The following MAP1A variants were observed in gnomAD, a reference collection of about 807,000 sequenced individuals.
MAP1A encodes microtubule associated protein 1A, also known as microtubule-associated protein 1A.
A neutral mutation model predicts 185.9 loss-of-function variants in MAP1A; 42 were observed. That is an observed-to-expected ratio of 0.23 (90% CI 0.18 to 0.29). The LOEUF is 0.29. Among genes scored for constraint, MAP1A ranks in the 10% least tolerant of loss-of-function variants. The pLI, the probability that MAP1A is intolerant of heterozygous loss-of-function variation, is 1.00. For missense variants in MAP1A, 2,995 were observed against 3,450.4 expected (o/e 0.87, Z 3.31); for synonymous variants, 1,229 against 1,335.9 (o/e 0.92, Z 1.74).
chr15:43,519,621 ATTC>A (rs1161349616), intron 1 of MAP1A, among the ~76,000 whole-genome samples: 1 of 152,228 alleles, frequency 6.6e-6, no homozygotes, highest in Admixed American at 6.5e-5. Context: ...GGATGGCAGC[ATTC>A]TTCTTCAGCA....
Position 43,528,800 on chromosome 15 carries a change from C to T in MAP1A, c.7327C>T (p.Pro2443Ser). The T allele has an allele frequency of 6.2e-7, 1 of 1,613,494 alleles. No homozygotes were observed. Among genetic ancestry groups the T allele is most frequent in the Non-Finnish European group, 8.5e-7 (1 of 1,179,940 alleles). The change falls in exon 4 of 6, where the codon CCC becomes TCC. Residue 2443 changes from proline (P) to serine (S), a missense_variant. By Grantham distance (74) the Pro-to-Ser change is moderately conservative (BLOSUM62 -1). Transcript: ENST00000300231. ...CCAGGGATGTGCCACTGAGCCTCGG[C>T]CCCATCGTGGGGAGCTCTCCCCATC... ...GPQGCATEPR[P>S]HRGELSPSFL...
upstream of MAP1A, among the ~76,000 whole-genome samples, chr15:43,516,251 G>T (rs112706236): frequency 2.5e-3 from 375 of 152,252 alleles, 4 homozygotes; most frequent in African/African-American, 8.8e-3. Context: ...TCGCAGATTT[G>T]CATCCCCGGA....
intron 5 of MAP1A, 65 bp from the exon 6 acceptor site, chr15:43,530,004 C>A: frequency 6.4e-7 from 1 of 1,562,176 alleles, no homozygotes. Context: ...CCATGAGGTG[C>A]CCCTTCCCCC....
chr15:43,511,101 T>C (rs1056680848), exon 1 of MAP1A: 2 of 1,550,158 alleles, frequency 1.3e-6, no homozygotes, highest in African/African-American at 2.7e-5. Context: ...GCGGAGCTGC[T>C]GTGCGAGGCC....
rs1186204254 is a variant in MAP1A, at chr15:43,528,312, A to C, written c.6839A>C (p.Glu2280Ala). 6.2e-7 allele frequency: 1 copy of C among 1,613,968 alleles called. No homozygotes were observed. Among genetic ancestry groups the C allele is most frequent in the Non-Finnish European group, 8.5e-7 (1 of 1,180,048 alleles). ...SVAERFSPSL[E>A]AAEQESGELD... ...GCGGAGCGCTTCTCTCCAAGCCTTG[A>C]GGCTGCAGAACAGGAGTCTGGAGAG... The change falls in exon 4 of 6, where the codon GAG (glutamate) becomes GCG (alanine). Residue 2280 changes from glutamate to alanine, a missense_variant. Glu to Ala is a moderately radical substitution (Grantham distance 107). Transcript: ENST00000300231.
In MAP1A at chr15:43,527,642, C is replaced by T. The variant is rs2079351377; in HGVS notation, c.6169C>T (p.Leu2057Phe). Reference sequence around the variant, plus strand: ...GCCAGGGCCAAGTATGGAGCCCAGCCTCACCCCACCTGCAGTTCCCCCCCG... The same window carrying T: ...GCCAGGGCCAAGTATGGAGCCCAGCTTCACCCCACCTGCAGTTCCCCCCCG... Reference protein sequence around the residue: ...PEPGPSMEPSLTPPAVPPRAP... With the variant: ...PEPGPSMEPSFTPPAVPPRAP... Residue 2057 changes from leucine to phenylalanine, a missense_variant, in exon 4 of 6, where the codon CTC (leucine) becomes TTC (phenylalanine). Leu to Phe is a conservative substitution (Grantham distance 22, BLOSUM62 0). Around this residue, in one of 3 missense-constraint regions of MAP1A, gnomAD observed 2,728 missense variants for 2,986.0 expected, o/e 0.91. Transcript: ENST00000300231. 6.2e-7 allele frequency: 1 copy of T among 1,613,902 alleles called. No individual in the cohort carries two copies. The highest frequency in any genetic ancestry group is 1.1e-5 in the South Asian group (1 of 91,072).
chr15:43,518,432 C>T (rs1881090870), intron 1 of MAP1A, among the ~76,000 whole-genome samples: 1 of 152,146 alleles, frequency 6.6e-6, no homozygotes, highest in South Asian at 2.1e-4. Flanking sequence ...ACCCCCACCT[C>T]ATCTCTGCTT....
chr15:43,511,053 G>T (rs1423938269), exon 1 of MAP1A: 4 of 1,549,054 alleles, frequency 2.6e-6, no homozygotes, highest in Admixed American at 2.0e-5. Context: ...CCGGGGCTGG[G>T]GCTCCGAAGT....
Position 43,524,613 on chromosome 15 carries a change from A to C in MAP1A, c.3140A>C (p.Glu1047Ala), listed in dbSNP as rs377086076. Residue 1047 changes from glutamate to alanine, a missense_variant, in exon 4 of 6, where the codon GAG (glutamate) becomes GCG (alanine). Glu to Ala is a moderately radical substitution (Grantham distance 107). Transcript: ENST00000300231. ...PGVGKEDAAE[E>A]TVKPGPEEGT... ...GTGGGCAAAGAAGATGCTGCTGAGG[A>C]GACAGTCAAGCCAGGGCCTGAAGAG... 1 of 1,614,156 alleles carries C rather than the reference A, an allele frequency of 6.2e-7. No individual in the cohort carries two copies. The highest frequency in any genetic ancestry group is 2.2e-5 in the East Asian group (1 of 44,876).
At chr15:43,511,062 G>A (rs1222769416) in exon 1 of MAP1A, 1 of 1,549,324 alleles carries the variant, frequency 6.5e-7, no homozygotes, top group Non-Finnish European at 8.7e-7. Flanking sequence ...GGGCTCCGAA[G>A]TCCCGGCGCA....
chr15:43,528,277 T>G lies in MAP1A; in HGVS notation c.6804T>G (p.Ile2268Met), dbSNP rs2140210596. ...GSSSEATTPV[I>M]SSVAERFSPS... ...CCTCTGAGGCTACCACGCCTGTGAT[T>G]TCAAGTGTGGCGGAGCGCTTCTCTC... is the stretch of plus-strand genomic sequence containing the variant. Residue 2268 changes from isoleucine (I) to methionine (M), a missense_variant, in exon 4 of 6, where the codon ATT (isoleucine) becomes ATG (methionine). Physicochemically the swap from Ile to Met is conservative, Grantham distance 10 (BLOSUM62 1). Coordinates refer to ENST00000300231, the MANE Select transcript of MAP1A (RefSeq NM_002373.6). 6.2e-7 allele frequency: 1 copy of G among 1,614,062 alleles called. No individual in the cohort carries two copies. Among genetic ancestry groups the G allele is most frequent in the East Asian group, 2.2e-5 (1 of 44,882 alleles).
chr15:43,511,248 G>A, intron 1 of MAP1A: 1 of 1,533,060 alleles, frequency 6.5e-7, no homozygotes, highest in Non-Finnish European at 8.8e-7. Flanking sequence ...TTCTGGCTGT[G>A]CTTCAGGCAT....
At chr15:43,517,988 G>A (rs1166614297) in intron 1 of MAP1A, among the ~76,000 whole-genome samples, 1 of 152,160 alleles carries the variant, frequency 6.6e-6, no homozygotes, top group Non-Finnish European at 1.5e-5. Flanking sequence ...CACTGGCTCT[G>A]CCTGACAGCC....
At position 43,528,878 on chromosome 15, in the gene MAP1A, G is replaced by A. The variant is rs1263993595; in HGVS notation, c.7405G>A (p.Glu2469Lys). Residue 2469 changes from glutamate to lysine, a missense_variant, in exon 4 of 6, where the codon GAG (glutamate) becomes AAG (lysine). Coordinates refer to ENST00000300231, the MANE Select transcript of MAP1A (RefSeq NM_002373.6). The part of the protein sequence containing the change: ...PSIDDRDLST[E>K]EVRLVGRGGR... ...CATAGATGATAGGGACCTCTCAACT[G>A]AGGAAGTTCGGCTAGTAGGAAGAGG... The A allele has an allele frequency of 1.9e-6, 3 of 1,613,426 alleles. No homozygotes were observed. In the East Asian group the frequency reaches 6.7e-5, roughly 36 times the overall value.
chr15:43,512,144 A>G (rs1566975197), intron 1 of MAP1A: 1 of 1,167,860 alleles, frequency 8.6e-7, no homozygotes, highest in Non-Finnish European at 1.3e-6. Context: ...TCACCACCCT[A>G]CAACCTGCAA....
upstream of MAP1A, among the ~76,000 whole-genome samples, chr15:43,514,765 T>C (rs2079292402): frequency 6.6e-6 from 1 of 152,204 alleles, no homozygotes; most frequent in Non-Finnish European, 1.5e-5. Context: ...TTCTAACCCC[T>C]ACAAAAAATC....
chr15:43,511,791 C>T (rs1052633990), intron 1 of MAP1A, among the ~76,000 whole-genome samples: 10 of 152,142 alleles, frequency 6.6e-5, no homozygotes, highest in Non-Finnish European at 1.2e-4. Context: ...GGGCTGGGGA[C>T]AAGGAAGGGA....
At chr15:43,517,109 A>G (rs1348932168), upstream of MAP1A, among the ~76,000 whole-genome samples, 1 of 152,166 alleles carries the variant, frequency 6.6e-6, no homozygotes, top group African/African-American at 2.4e-5. Context: ...GCTGAGGTTC[A>G]GAAGAAGGCA....
At position 43,527,091 on chromosome 15, in the gene MAP1A, C is replaced by T; in HGVS notation, c.5618C>T (p.Pro1873Leu). 1 of 1,593,776 alleles carries T rather than the reference C, an allele frequency of 6.3e-7. No individual in the cohort carries two copies. Among genetic ancestry groups the T allele is most frequent in the Non-Finnish European group, 8.6e-7 (1 of 1,169,568 alleles). Residue 1873 changes from proline (P) to leucine (L), a missense_variant, in exon 4 of 6, where the codon CCT (proline) becomes CTT (leucine). Coordinates refer to ENST00000300231, the MANE Select transcript of MAP1A (RefSeq NM_002373.6). ...ACACCTGCCCCGGAATCCCATACTCCTGCACCCTTCTCTTGGGGCACAGCC... is the reference window on the plus strand; with the variant it reads ...ACACCTGCCCCGGAATCCCATACTCTTGCACCCTTCTCTTGGGGCACAGCC... ...PPTPAPESHTPAPFSWGTAEY... is the reference protein window; with the variant it reads ...PPTPAPESHTLAPFSWGTAEY...
Sources: allele counts gnomAD v4.1 joint callset (sites outside exome capture counted in the v4.1 genomes callset), GRCh38; gene constraint gnomAD v4.1.1; regional missense constraint gnomAD v4.1.1; transcripts MANE v1.5; gene names NCBI Gene and HGNC (gene_info 2026-07-23, HGNC 2026-07-21).